Variants in PARD3B observed in about 807,000 individuals in gnomAD.
PARD3B encodes the protein par-3 family cell polarity regulator beta.
A neutral mutation model predicts 130.2 loss-of-function variants in PARD3B; 103 were observed. The observed-to-expected ratio is 0.79, with a 90% CI of 0.67 to 0.93. The LOEUF (loss-of-function observed/expected upper bound fraction) is 0.93, where lower values mean the gene tolerates loss of function less well. Among genes scored for constraint, PARD3B ranks in the 40% least tolerant of loss-of-function variants. The probability of loss-of-function intolerance (pLI) is 0.00; values close to 1 mark genes in which losing one functional copy is unlikely to be tolerated. For missense variants in PARD3B, 1,609 were observed against 1,499.2 expected, an observed-to-expected ratio of 1.07 and a Z score of -1.21; for synonymous variants, 583 against 553.2, an observed-to-expected ratio of 1.05 and a Z score of -0.76.
chr2:204,928,135 T>G (rs553510571), intron 2 of PARD3B, among the ~76,000 whole-genome samples: 37 of 152,098 alleles, frequency 2.4e-4, no homozygotes, highest in Non-Finnish European at 4.3e-4. Context: ...TGTCCTCTCA[T>G]GTGTTTGGAA....
intron 1 of PARD3B, among the ~76,000 whole-genome samples, chr2:204,629,475 G>A (rs186930517): frequency 2.8e-4 from 42 of 152,226 alleles, no homozygotes; most frequent in Admixed American, 1.2e-3. Context: ...GCACAATCAC[G>A]CCACAATGAT....
chr2:205,545,819 T>TA (rs2052356822), intron 21 of PARD3B, among the ~76,000 whole-genome samples: 1 of 152,176 alleles, frequency 6.6e-6, no homozygotes, highest in South Asian at 2.1e-4. Context: ...AATGAATTGT[T>TA]AAAAAATGTT....
At chr2:205,484,040 C>G (rs553284192) in intron 20 of PARD3B, among the ~76,000 whole-genome samples, 93 of 152,232 alleles carry the variant, frequency 6.1e-4, no homozygotes, top group Non-Finnish European at 9.3e-4. Context: ...AGTGACTACA[C>G]TTAATGCTAC....
rs773531063 is a variant in PARD3B at position 205,461,350 on chromosome 2, C to G, written c.3044+20678C>G. ...TGAAAGAAGGTCCTCTTACCAACAC[C>G]AAGCAAGAGGATAAAGAGCAGAGGC... On this transcript the variant is annotated intron_variant, in intron 20 of 22. Transcript: ENST00000406610. This position sits in a 1 kb window ranked among gnomAD's most constrained non-coding sequence, Gnocchi z 4.3. 7.2e-5 allele frequency among the ~76,000 whole-genome samples: 11 copies of G among 152,142 alleles called. No individual in the cohort carries two copies. Among genetic ancestry groups the G allele is most frequent in the Non-Finnish European group, 1.6e-4 (11 of 68,028 alleles).
intron 3 of PARD3B, among the ~76,000 whole-genome samples, chr2:205,017,196 A>G (rs1696214305): frequency 6.6e-6 from 1 of 152,120 alleles, no homozygotes; most frequent in African/African-American, 2.4e-5. Flanking sequence ...TATGTAATGT[A>G]AGGTCACAAA....
At chr2:204,729,859 C>G (rs2039411644) in intron 2 of PARD3B, among the ~76,000 whole-genome samples, 1 of 151,944 alleles carries the variant, frequency 6.6e-6, no homozygotes, top group South Asian at 2.1e-4. Context: ...TATTTTAACT[C>G]TGAAAAAGTG....
intron 3 of PARD3B, among the ~76,000 whole-genome samples, chr2:205,003,524 G>A (rs765248369): frequency 1.3e-5 from 2 of 152,038 alleles, no homozygotes; most frequent in Admixed American, 6.6e-5. Context: ...TAATTATCTC[G>A]TGACCTTTAA....
chr2:204,579,990 A>T (rs1216378117), intron 1 of PARD3B, among the ~76,000 whole-genome samples: 1 of 152,228 alleles, frequency 6.6e-6, no homozygotes, highest in African/African-American at 2.4e-5. Flanking sequence ...CTACATTGTT[A>T]CAGTGATGTG....
rs748686746 is a variant in PARD3B at position 205,160,234 on chromosome 2, C to T, written c.1620+1327C>T. ...TTTCAGTAATATACACATCAATAAGCCTTTATTTTTCTCATAGCTCTGTGT... is the reference window on the plus strand; with the variant it reads ...TTTCAGTAATATACACATCAATAAGTCTTTATTTTTCTCATAGCTCTGTGT... On this transcript the variant is annotated intron_variant, in intron 11 of 22. Coordinates refer to ENST00000406610, the MANE Select transcript of PARD3B (RefSeq NM_001302769.2). The surrounding 1 kb of genome is among the most constrained non-coding windows in gnomAD (Gnocchi z 4.0). Among the ~76,000 whole-genome samples the T allele has an allele frequency of 2.6e-5, 4 of 152,176 alleles. No individual in the cohort carries two copies. Among genetic ancestry groups the T allele is most frequent in the Non-Finnish European group, 5.9e-5 (4 of 68,034 alleles).
At chr2:205,607,260 C>G (rs2055036047) in intron 22 of PARD3B, among the ~76,000 whole-genome samples, 1 of 151,918 alleles carries the variant, frequency 6.6e-6, no homozygotes, top group Non-Finnish European at 1.5e-5. Flanking sequence ...AAAGAAGTCT[C>G]TTTTTAGTGC....
At chr2:204,776,298 G>A (rs917920702) in intron 2 of PARD3B, among the ~76,000 whole-genome samples, 9 of 152,108 alleles carry the variant, frequency 5.9e-5, no homozygotes, top group East Asian at 1.9e-4. Context: ...GAGTTTACAC[G>A]TGTGGTTTGA....
At chr2:205,391,248 G>A (rs540985069) in intron 18 of PARD3B, among the ~76,000 whole-genome samples, 130 of 152,124 alleles carry the variant, frequency 8.5e-4, no homozygotes, top group African/African-American at 3.0e-3. Context: ...AGAGGAAGAA[G>A]GGGATGTTGT....
chr2:205,379,924 C>T (rs1053307792), intron 18 of PARD3B, among the ~76,000 whole-genome samples: 1 of 150,492 alleles, frequency 6.6e-6, no homozygotes, highest in African/African-American at 2.4e-5. Context: ...AAAAATTATC[C>T]AGGCACAGTG....
intron 2 of PARD3B, among the ~76,000 whole-genome samples, chr2:204,745,908 T>A (rs1204546634): frequency 6.6e-6 from 1 of 152,114 alleles, no homozygotes; most frequent in Non-Finnish European, 1.5e-5. Flanking sequence ...CTTCATTCCT[T>A]TGTTTTTGCC....
At chr2:204,854,870 G>A (rs1306202537) in intron 2 of PARD3B, among the ~76,000 whole-genome samples, 2 of 152,116 alleles carry the variant, frequency 1.3e-5, no homozygotes, top group African/African-American at 2.4e-5. Context: ...AGGAGTTTAG[G>A]AACGAAGGTT....
chr2:205,161,241 C>T (rs1431366323), intron 11 of PARD3B, among the ~76,000 whole-genome samples: 1 of 152,154 alleles, frequency 6.6e-6, no homozygotes, highest in African/African-American at 2.4e-5. Context: ...GTGAGCATCT[C>T]CTTACCTAAG....
intron 18 of PARD3B, among the ~76,000 whole-genome samples, chr2:205,382,810 A>G (rs2045500385): frequency 6.6e-6 from 1 of 151,968 alleles, no homozygotes; most frequent in African/African-American, 2.4e-5. Context: ...TGTTGCTCAG[A>G]TTATTCAGTA....
intron 4 of PARD3B, among the ~76,000 whole-genome samples, chr2:205,095,466 G>T (rs1313086883): frequency 1.3e-5 from 2 of 152,124 alleles, no homozygotes; most frequent in African/African-American, 2.4e-5. Context: ...TTTTAAAGCA[G>T]CCTTTACTTG....
At chr2:205,348,263 C>A (rs1410044065) in intron 18 of PARD3B, 2 of 152,232 alleles carry the variant, frequency 1.3e-5, no homozygotes, top group Non-Finnish European at 2.9e-5. Flanking sequence ...AGCAATATAT[C>A]TTCATCACTT....
Sources: gnomAD v4.1 joint callset for allele counts (sites outside exome capture counted in the v4.1 genomes callset) on GRCh38, gnomAD v4.1.1 for gene constraint, Gnocchi (gnomAD v3.1) non-coding constraint, MANE v1.5 for transcripts, NCBI Gene and HGNC (gene_info 2026-07-23, HGNC 2026-07-21) for gene names.